GOSR1: variants seen among roughly 807,000 people sequenced by gnomAD.
The protein encoded by GOSR1 is golgi SNAP receptor complex member 1.
Under a neutral mutation model 35.5 loss-of-function variants are expected in GOSR1, and 21 were observed. The ratio of observed to expected loss-of-function variants is 0.59; its 90% CI spans 0.42 to 0.85. The LOEUF is 0.85. Ranked by LOEUF, GOSR1 falls within the 40% of genes least tolerant of loss-of-function variation. The pLI, the probability that GOSR1 is intolerant of heterozygous loss-of-function variation, is 0.00. For missense variants in GOSR1, 285 were observed against 309.6 expected (o/e 0.92, Z 0.60); for synonymous variants, 94 against 106.6 (o/e 0.88, Z 0.73).
At position 30,522,494 on chromosome 17, in the gene GOSR1, T is replaced by G; in HGVS notation, c.*116T>G. 1 of 748,294 alleles carries G rather than the reference T, an allele frequency of 1.3e-6. No homozygotes were observed. Among genetic ancestry groups the G allele is most frequent in the African/African-American group, 1.8e-5 (1 of 56,136 alleles). 46.4% of individuals were successfully genotyped at this position (748,294 alleles called of 1,614,324 possible). ...TAATTAGCCTGACCAGCAGGATGAA[T>G]GCAAGACTGACAGTGATGGACTCTG... is the stretch of plus-strand genomic sequence containing the variant. On this transcript the variant is annotated 3_prime_UTR_variant, in exon 9 of 9. Transcript: ENST00000451249.
intron 6 of GOSR1, among the ~76,000 whole-genome samples, chr17:30,501,729 C>T (rs961277819): frequency 1.6e-4 from 25 of 152,120 alleles, no homozygotes; most frequent in Admixed American, 5.2e-4. Context: ...CTCCTGACCT[C>T]GTGATCCACC....
intron 6 of GOSR1, among the ~76,000 whole-genome samples, chr17:30,499,721 T>C (rs891383277): frequency 6.6e-6 from 1 of 152,210 alleles, no homozygotes; most frequent in Non-Finnish European, 1.5e-5. Context: ...TATAAGAAAG[T>C]GTCAAACTTT....
At chr17:30,519,714 A>G (rs924335684) in intron 7 of GOSR1, 1 of 392,238 alleles carries the variant, frequency 2.5e-6, no homozygotes, top group Non-Finnish European at 4.5e-6. Context: ...AAACATAGGA[A>G]GTGGCTTACT....
chr17:30,477,682 A>G (rs1409639420), intron 1 of GOSR1: 5 of 985,086 alleles, frequency 5.1e-6, no homozygotes, highest in Non-Finnish European at 6.0e-6. Context: ...GACGTGGGGC[A>G]GGGGTTGGGC....
chr17:30,524,228 TATAATA>T lies in GOSR1; in HGVS notation c.*1856_*1861del, dbSNP rs1050122367. ...GAATGATCAATTAAAAAAAAAATAATATAATAATAATTCTTGTCCTCTTATTTTACA... is the reference window on the plus strand; with the variant it reads ...GAATGATCAATTAAAAAAAAAATAATATAATTCTTGTCCTCTTATTTTACA... On this transcript the variant is annotated 3_prime_UTR_variant, in exon 9 of 9. Transcript: ENST00000451249. The T allele has an allele frequency of 2.0e-5, 3 of 152,606 alleles. No individual in the cohort carries two copies. The highest frequency in any genetic ancestry group is 7.2e-5 in the African/African-American group (3 of 41,386). The allele number at this position is 152,606 out of a possible 1,614,324, so 9.5% of individuals were successfully genotyped here.
In GOSR1 at chr17:30,490,111, G is replaced by A. The variant is rs756315030; in HGVS notation, c.343-15G>A. 7.5e-6 allele frequency: 9 copies of A among 1,195,942 alleles called. No individual in the cohort carries two copies. Among genetic ancestry groups the A allele is most frequent in the Admixed American group, 6.7e-5 (4 of 59,354 alleles). 74.1% of individuals were successfully genotyped at this position (1,195,942 alleles called of 1,614,324 possible). On this transcript the variant is annotated splice_polypyrimidine_tract_variant and intron_variant, in intron 4 of 8. Coordinates refer to ENST00000451249, the MANE Select transcript of GOSR1 (RefSeq NM_001007025.2). ...TAATTAGCTTCTGTTGAGACTGGATGTTGATTTATTACAGGATTATACACA... is the reference window on the plus strand; with the variant it reads ...TAATTAGCTTCTGTTGAGACTGGATATTGATTTATTACAGGATTATACACA...
intron 7 of GOSR1, among the ~76,000 whole-genome samples, chr17:30,519,148 C>T (rs115879444): frequency 1.3e-5 from 2 of 152,086 alleles, no homozygotes; most frequent in Non-Finnish European, 2.9e-5. Context: ...GTAGCCCCCC[C>T]CTCCTGGGCT....
chr17:30,525,037 C>A lies in GOSR1; in HGVS notation c.*2659C>A, dbSNP rs927588045. The A allele has an allele frequency of 6.6e-6, 1 of 152,242 alleles. No individual in the cohort carries two copies. The highest frequency in any genetic ancestry group is 2.4e-5 in the African/African-American group (1 of 41,448). The allele number at this position is 152,242 out of a possible 1,614,324, so 9.4% of individuals were successfully genotyped here. A position where few individuals can be genotyped will look rare whatever the true frequency, so the allele number is the denominator to read the frequency against. On this transcript the variant is annotated 3_prime_UTR_variant, in exon 9 of 9. Coordinates refer to ENST00000451249, the MANE Select transcript of GOSR1 (RefSeq NM_001007025.2). ...AACCATTTCTTAGTTTCTGTAAATT[C>A]ATGACTTGTCTTACTGAACTACAGC...
chr17:30,498,544 T>C (rs889716477), intron 6 of GOSR1, among the ~76,000 whole-genome samples: 1 of 152,216 alleles, frequency 6.6e-6, no homozygotes, highest in African/African-American at 2.4e-5. Context: ...GAACATCTGA[T>C]CTGGTTCTTG....
intron 6 of GOSR1, among the ~76,000 whole-genome samples, chr17:30,505,728 T>G (rs1195608557): frequency 6.6e-6 from 1 of 151,944 alleles, no homozygotes; most frequent in Non-Finnish European, 1.5e-5. Context: ...TGTGTGGGGG[T>G]TTTTTTGTTT....
chr17:30,484,906 A>G lies in GOSR1; in HGVS notation c.342+136A>G, dbSNP rs190913419. 1.1e-4 allele frequency: 79 copies of G among 695,120 alleles called. 1 individual carries two copies. In the Admixed American group the frequency reaches 1.7e-3, roughly 15 times the overall value. The allele number at this position is 695,120 out of a possible 1,614,324, so 43.1% of individuals were successfully genotyped here. A position where few individuals can be genotyped will look rare whatever the true frequency, so the allele number is the denominator to read the frequency against. On this transcript the variant is annotated intron_variant, in intron 4 of 8. Coordinates refer to ENST00000451249, the MANE Select transcript of GOSR1 (RefSeq NM_001007025.2). The stretch of plus-strand genomic sequence containing the variant: ...TCTGAGAAAATAAATGCCATGCTAA[A>G]GGGACTTGTTTTACTTTTTTTTGGG...
chr17:30,525,149 C>T lies in GOSR1; in HGVS notation c.*2771C>T, dbSNP rs1968162856. 1 of 152,040 alleles carries T rather than the reference C, an allele frequency of 6.6e-6. No individual in the cohort carries two copies. Among genetic ancestry groups the T allele is most frequent in the South Asian group, 2.1e-4 (1 of 4,826 alleles). 9.4% of individuals were successfully genotyped at this position (152,040 alleles called of 1,614,324 possible). On this transcript the variant is annotated 3_prime_UTR_variant, in exon 9 of 9. Coordinates refer to ENST00000451249, the MANE Select transcript of GOSR1 (RefSeq NM_001007025.2). ...TTTATAGTATTGGCTTCAGTCCGAGCCACAGGCAATAAAAGGATATCAGCT... is the reference window on the plus strand; with the variant it reads ...TTTATAGTATTGGCTTCAGTCCGAGTCACAGGCAATAAAAGGATATCAGCT...
intron 1 of GOSR1, chr17:30,477,974 G>A: frequency 7.2e-6 from 7 of 976,302 alleles, no homozygotes; most frequent in Non-Finnish European, 8.5e-6. Flanking sequence ...TCTCTTATTG[G>A]GTCTCCATGA....
chr17:30,508,970 G>A (rs977708569), intron 6 of GOSR1, among the ~76,000 whole-genome samples: 3 of 151,676 alleles, frequency 2.0e-5, no homozygotes, highest in African/African-American at 7.3e-5. Context: ...TTTATATATG[G>A]TATTTATGAC....
At chr17:30,521,382 C>T (rs1388860590) in intron 8 of GOSR1, among the ~76,000 whole-genome samples, 2 of 151,584 alleles carry the variant, frequency 1.3e-5, no homozygotes, top group Non-Finnish European at 1.5e-5. Context: ...GGGGTTTCAC[C>T]ATGTTGCCCA....
intron 7 of GOSR1, among the ~76,000 whole-genome samples, chr17:30,512,804 G>C (rs1489363014): frequency 1.3e-5 from 2 of 151,928 alleles, no homozygotes; most frequent in Non-Finnish European, 2.9e-5. Context: ...CTTTCTGCCT[G>C]CTCTTCTAGG....
At chr17:30,486,159 T>G (rs1410048942) in intron 4 of GOSR1, among the ~76,000 whole-genome samples, 1 of 152,014 alleles carries the variant, frequency 6.6e-6, no homozygotes, top group Non-Finnish European at 1.5e-5. Flanking sequence ...AGGATACCCA[T>G]GATCGCTACA....
chr17:30,484,280 G>C lies in GOSR1; in HGVS notation c.213G>C (p.Glu71Asp), dbSNP rs745891651. The stretch of plus-strand genomic sequence containing the variant: ...GAATGTTTGAGACAATGGCGATTGA[G>C]ATTGAACAACTTTTGGCAAGGGTAA... ...QDRMFETMAIEIEQLLARLTG... is the reference protein window; with the variant it reads ...QDRMFETMAIDIEQLLARLTG... Residue 71 changes from glutamate (E) to aspartate (D), a missense_variant, in exon 3 of 9, where the codon GAG becomes GAC. Around this residue, in one of 3 missense-constraint regions of GOSR1, gnomAD observed 108 missense variants for 98.9 expected, o/e 1.09. Coordinates refer to ENST00000451249, the MANE Select transcript of GOSR1 (RefSeq NM_001007025.2). 1 of 1,609,706 alleles carries C rather than the reference G, an allele frequency of 6.2e-7. No homozygotes were observed. The highest frequency in any genetic ancestry group is 8.5e-7 in the Non-Finnish European group (1 of 1,176,056).
chr17:30,490,983 C>T (rs755059991), intron 5 of GOSR1, among the ~76,000 whole-genome samples: 58 of 152,160 alleles, frequency 3.8e-4, no homozygotes, highest in Admixed American at 1.5e-3. Flanking sequence ...ATTTTATAAA[C>T]TATGATACAC....
Sources: allele counts gnomAD v4.1 joint callset (sites outside exome capture counted in the v4.1 genomes callset), GRCh38; gene constraint gnomAD v4.1.1; regional missense constraint gnomAD v4.1.1; transcripts MANE v1.5; gene names NCBI Gene and HGNC (gene_info 2026-07-23, HGNC 2026-07-21).